The following PDE10A variants were observed in gnomAD, a reference collection of about 807,000 sequenced individuals.
The protein encoded by PDE10A is phosphodiesterase 10A, also known as cAMP and cAMP-inhibited cGMP 3',5'-cyclic phosphodiesterase 10A.
Under a neutral mutation model 97.7 loss-of-function variants are expected in PDE10A, and 39 were observed. That is an observed-to-expected ratio of 0.40 (90% CI 0.31 to 0.52). The LOEUF (loss-of-function observed/expected upper bound fraction) is 0.52. Among genes scored for constraint, PDE10A ranks in the 20% least tolerant of loss-of-function variants. The probability of loss-of-function intolerance (pLI) is 0.56; values close to 1 mark genes in which losing one functional copy is unlikely to be tolerated. For missense variants in PDE10A, 731 were observed against 1,047.8 expected (o/e 0.70, Z 4.17); for synonymous variants, 371 against 376.8 (o/e 0.98, Z 0.18).
At chr6:165,688,438 C>T (rs1791183006) in intron 1 of PDE10A, among the ~76,000 whole-genome samples, 1 of 152,168 alleles carries the variant, frequency 6.6e-6, no homozygotes, top group Non-Finnish European at 1.5e-5. Flanking sequence ...ATTGACGAAG[C>T]CTCAGGGTAT....
At chr6:165,752,412 A>G (rs1371446703) in intron 1 of PDE10A, among the ~76,000 whole-genome samples, 1 of 152,210 alleles carries the variant, frequency 6.6e-6, no homozygotes, top group Non-Finnish European at 1.5e-5. Flanking sequence ...CCATGTGTCC[A>G]GCTGCACTGA....
intron 2 of PDE10A, among the ~76,000 whole-genome samples, chr6:165,488,947 A>G (rs1354862203): frequency 6.6e-6 from 1 of 152,150 alleles, no homozygotes; most frequent in African/African-American, 2.4e-5. Context: ...GAGATCAGAC[A>G]TGCCCAACCC....
intron 17 of PDE10A, among the ~76,000 whole-genome samples, chr6:165,385,385 T>C (rs1041206058): frequency 2.6e-5 from 4 of 152,078 alleles, no homozygotes; most frequent in Admixed American, 6.5e-5. Flanking sequence ...TATTGAGCAC[T>C]AGGCAGAATT....
intron 1 of PDE10A, among the ~76,000 whole-genome samples, chr6:165,923,929 C>T (rs574009073): frequency 2.0e-5 from 3 of 152,234 alleles, no homozygotes; most frequent in Admixed American, 2.0e-4. Flanking sequence ...GCCTGTAATC[C>T]CAACACATTG....
intron 1 of PDE10A, among the ~76,000 whole-genome samples, chr6:165,685,420 C>T (rs1393032242): frequency 2.0e-5 from 3 of 151,592 alleles, no homozygotes; most frequent in African/African-American, 7.3e-5. Context: ...TGGTGGTCAG[C>T]CTTCTTCTAA....
chr6:165,515,908 A>G (rs931059421), intron 2 of PDE10A, among the ~76,000 whole-genome samples: 9 of 152,262 alleles, frequency 5.9e-5, no homozygotes, highest in African/African-American at 2.2e-4. Context: ...TGTTCTATTT[A>G]TATTTTAAAA....
At chr6:165,405,101 G>A (rs1462184943) in intron 13 of PDE10A, among the ~76,000 whole-genome samples, 1 of 152,016 alleles carries the variant, frequency 6.6e-6, no homozygotes, top group Non-Finnish European at 1.5e-5. Context: ...AAAAATGTGT[G>A]TGTATTATGT....
rs148933208 is a variant in PDE10A, at chr6:165,692,663, C to G, written c.-614-149095G>C. 4.1e-3 allele frequency among the ~76,000 whole-genome samples: 631 copies of G among 152,288 alleles called. 3 individuals carry two copies. The highest frequency in any genetic ancestry group is 0.014 in the African/African-American group (600 of 41,556). ...AACCCTCAGTCAGAAAGCATTTTCT[C>G]GGCAGTAACGCATGCTGTACACAGA... is the stretch of plus-strand genomic sequence containing the variant. On this transcript the variant is annotated intron_variant, in intron 1 of 19. Coordinates refer to the PDE10A transcript ENST00000366882.
At chr6:165,339,470 T>A in intron 19 of PDE10A, 112 bp from the exon 20 acceptor site, 1 of 714,886 alleles carries the variant, frequency 1.4e-6, no homozygotes, top group East Asian at 2.6e-5. Flanking sequence ...ACAAATAATG[T>A]TTGTGGTTGT....
At chr6:165,689,875 C>G (rs986487887) in intron 1 of PDE10A, among the ~76,000 whole-genome samples, 1 of 152,122 alleles carries the variant, frequency 6.6e-6, no homozygotes, top group Non-Finnish European at 1.5e-5. Flanking sequence ...ATGTTCATAC[C>G]CTGATGCAAT....
intron 1 of PDE10A, among the ~76,000 whole-genome samples, chr6:165,945,283 C>T (rs554203693): frequency 6.6e-6 from 1 of 152,306 alleles, no homozygotes; most frequent in South Asian, 2.1e-4. Context: ...GATATAACTA[C>T]AGCCAGCATC....
chr6:165,385,814 A>C (rs1032759114), intron 17 of PDE10A, among the ~76,000 whole-genome samples: 1 of 152,206 alleles, frequency 6.6e-6, no homozygotes, highest in African/African-American at 2.4e-5. Context: ...CTCTGGGCGT[A>C]GCTCAAATTG....
At chr6:165,943,546 T>C (rs1411723838) in intron 1 of PDE10A, among the ~76,000 whole-genome samples, 1 of 152,098 alleles carries the variant, frequency 6.6e-6, no homozygotes, top group African/African-American at 2.4e-5. Flanking sequence ...CTGGCGTAAG[T>C]ACAGAGTCCA....
chr6:165,469,203 C>G (rs551119137), intron 3 of PDE10A, among the ~76,000 whole-genome samples: 5 of 152,110 alleles, frequency 3.3e-5, no homozygotes, highest in African/African-American at 1.2e-4. Flanking sequence ...ACAAACGGTT[C>G]GCGTCTGTAA....
intron 10 of PDE10A, among the ~76,000 whole-genome samples, chr6:165,421,177 C>T (rs1183657605): frequency 6.6e-6 from 1 of 152,196 alleles, no homozygotes; most frequent in Non-Finnish European, 1.5e-5. Context: ...TGTGGTGGCT[C>T]ATGCCTGTAA....
intron 1 of PDE10A, among the ~76,000 whole-genome samples, chr6:165,959,953 TC>T (rs1234055974): frequency 6.6e-6 from 1 of 152,082 alleles, no homozygotes; most frequent in Non-Finnish European, 1.5e-5. Flanking sequence ...CCCCACTTTA[TC>T]TACAGTTAGC....
chr6:165,565,405 T>G (rs1256984027), intron 1 of PDE10A, among the ~76,000 whole-genome samples: 1 of 151,872 alleles, frequency 6.6e-6, no homozygotes, highest in Non-Finnish European at 1.5e-5. Context: ...AGATACAAAC[T>G]CTATATGAGA....
At chr6:165,923,519 G>A (rs750123884) in intron 1 of PDE10A, among the ~76,000 whole-genome samples, 5 of 152,356 alleles carry the variant, frequency 3.3e-5, no homozygotes, top group Non-Finnish European at 2.9e-5. Context: ...GGCTGCAGCA[G>A]TGCCCCCTCC....
At chr6:165,891,894 A>G (rs558360916) in intron 1 of PDE10A, among the ~76,000 whole-genome samples, 1 of 151,620 alleles carries the variant, frequency 6.6e-6, no homozygotes, top group Admixed American at 6.6e-5. Context: ...GATCACCCCC[A>G]TAATCACAAA....
Sources: gnomAD v4.1 joint callset for allele counts (sites outside exome capture counted in the v4.1 genomes callset) on GRCh38, gnomAD v4.1.1 for gene constraint, MANE v1.5 for transcripts, NCBI Gene and HGNC (gene_info 2026-07-23, HGNC 2026-07-21) for gene names.